The following GBE1 variants were observed in gnomAD, a reference collection of about 807,000 sequenced individuals.
GBE1 encodes 1,4-alpha-glucan branching enzyme 1.
Under a neutral mutation model 88.8 loss-of-function variants are expected in GBE1, and 70 were observed. That is an observed-to-expected ratio of 0.79 (90% confidence interval 0.65 to 0.96). GBE1 has a LOEUF of 0.96. GBE1 is among the 40% of genes least tolerant of loss of function. GBE1 has a pLI of 0.00. For missense variants in GBE1, 872 were observed against 871.0 expected, an observed-to-expected ratio of 1.00 and a Z score of -0.01; for synonymous variants, 284 against 300.1, an observed-to-expected ratio of 0.95 and a Z score of 0.56.
At chr3:81,757,924 G>A (rs1219332312) in intron 1 of GBE1, among the ~76,000 whole-genome samples, 3 of 152,152 alleles carry the variant, frequency 2.0e-5, no homozygotes, top group Admixed American at 6.5e-5. Flanking sequence ...TCCCAGGGAA[G>A]AACCTTGAAA....
chr3:81,709,976 GTATAGA>G (rs2107174506), intron 1 of GBE1, among the ~76,000 whole-genome samples: 1 of 152,194 alleles, frequency 6.6e-6, no homozygotes, highest in East Asian at 1.9e-4. Flanking sequence ...CTAGCATTTT[GTATAGA>G]TATAAAGAAC....
intron 7 of GBE1, among the ~76,000 whole-genome samples, chr3:81,622,431 T>C (rs1704345873): frequency 6.6e-6 from 1 of 152,196 alleles, no homozygotes; most frequent in South Asian, 2.1e-4. Context: ...CCTCTTTATG[T>C]TAGAGTAACT....
chr3:81,664,036 G>C (rs565372295), intron 3 of GBE1, among the ~76,000 whole-genome samples: 3 of 151,898 alleles, frequency 2.0e-5, no homozygotes, highest in African/African-American at 7.3e-5. Flanking sequence ...TATTTTCTCC[G>C]TGCATTTGGT....
rs1370680856 is a variant in GBE1 at position 81,513,386 on chromosome 3, ACT to A, written c.1935-14161_1935-14160del. On this transcript the variant is annotated intron_variant, in intron 14 of 15. Transcript: ENST00000429644. ...TACTGCGAAAGGACTGAAAGGAATC[ACT>A]GTGTCGTGGTGAAATGGGAACTAGG... Among the ~76,000 whole-genome samples the A allele has an allele frequency of 2.6e-5, 4 of 151,502 alleles. No homozygotes were observed. The Admixed American group carries it at 2.6e-4, about 10-fold the overall frequency.
At chr3:81,691,364 T>C (rs1287552178) in intron 2 of GBE1, among the ~76,000 whole-genome samples, 10 of 152,344 alleles carry the variant, frequency 6.6e-5, no homozygotes, top group Non-Finnish European at 1.0e-4. Flanking sequence ...ATGAAAATTA[T>C]AGTAAACGAC....
In GBE1 at chr3:81,710,171, AAAGTCAT is replaced by A. The variant is rs151083199; in HGVS notation, c.144-4565_144-4559del. ...AGATTTCAAGTTAAATCTCAAATTA[AAAGTCAT>A]ATTTCACTTTTAAAGAAAGTTATTT... is the stretch of plus-strand genomic sequence containing the variant. On this transcript the variant is annotated intron_variant, in intron 1 of 15. Coordinates refer to ENST00000429644, the MANE Select transcript of GBE1 (RefSeq NM_000158.4). 4.9e-3 allele frequency among the ~76,000 whole-genome samples: 740 copies of A among 151,730 alleles called. 1 individual carries two copies. The highest frequency in any genetic ancestry group is 0.017 in the African/African-American group (710 of 41,396).
chr3:81,600,684 G>T (rs1319130652), intron 7 of GBE1, among the ~76,000 whole-genome samples: 2 of 151,954 alleles, frequency 1.3e-5, no homozygotes, highest in African/African-American at 2.4e-5. Context: ...AATATTTTAG[G>T]ACAATATTCA....
chr3:81,525,079 CTTG>C (rs1702926147), intron 14 of GBE1, among the ~76,000 whole-genome samples: 1 of 151,738 alleles, frequency 6.6e-6, no homozygotes, highest in Non-Finnish European at 1.5e-5. Flanking sequence ...TAAAATTCTT[CTTG>C]TTATTAATTT....
chr3:81,710,992 C>T (rs997812192), intron 1 of GBE1, among the ~76,000 whole-genome samples: 3 of 152,054 alleles, frequency 2.0e-5, no homozygotes, highest in Non-Finnish European at 4.4e-5. Flanking sequence ...GACGGAGGGG[C>T]GGCAGGGAGT....
At chr3:81,673,476 T>G (rs1052988628) in intron 2 of GBE1, among the ~76,000 whole-genome samples, 2 of 151,838 alleles carry the variant, frequency 1.3e-5, no homozygotes, top group Non-Finnish European at 3.0e-5. Context: ...ACTAAAAAAT[T>G]TATTAAAAGA....
chr3:81,523,298 T>C (rs963277482), intron 14 of GBE1, among the ~76,000 whole-genome samples: 1 of 151,254 alleles, frequency 6.6e-6, no homozygotes, highest in African/African-American at 2.4e-5. Flanking sequence ...TCATGGAAAA[T>C]TCTATACATT....
At chr3:81,594,079 C>T (rs917507233) in intron 7 of GBE1, 56 bp from the exon 8 acceptor site, 1 of 786,862 alleles carries the variant, frequency 1.3e-6, no homozygotes, top group Non-Finnish European at 2.1e-6. Context: ...TTTTCCTTAA[C>T]TGTTATAAAT....
intron 7 of GBE1, among the ~76,000 whole-genome samples, chr3:81,603,747 C>T (rs1018185101): frequency 1.3e-5 from 2 of 152,084 alleles, no homozygotes; most frequent in African/African-American, 2.4e-5. Context: ...CCACCCACCT[C>T]GGCCTCCCAA....
At chr3:81,565,194 T>C (rs1314458100) in intron 12 of GBE1, among the ~76,000 whole-genome samples, 1 of 152,202 alleles carries the variant, frequency 6.6e-6, no homozygotes, top group African/African-American at 2.4e-5. Context: ...CAACTGCTCA[T>C]ATTGAGAATT....
intron 7 of GBE1, among the ~76,000 whole-genome samples, chr3:81,616,982 A>G: frequency 6.6e-6 from 1 of 151,970 alleles, no homozygotes; most frequent in Non-Finnish European, 1.5e-5. Context: ...GAAAGAGAGA[A>G]GGAGGGAGAG....
At chr3:81,562,555 C>G (rs989327774) in intron 12 of GBE1, among the ~76,000 whole-genome samples, 1 of 152,038 alleles carries the variant, frequency 6.6e-6, no homozygotes, top group Non-Finnish European at 1.5e-5. Context: ...GGAATCATAT[C>G]TACCTCTCAG....
At chr3:81,583,496 A>T (rs1374311286) in intron 10 of GBE1, among the ~76,000 whole-genome samples, 1 of 152,102 alleles carries the variant, frequency 6.6e-6, no homozygotes, top group African/African-American at 2.4e-5. Flanking sequence ...GTGAATGGTT[A>T]AACTGTGGTA....
At chr3:81,563,589 T>C (rs922239313) in intron 12 of GBE1, among the ~76,000 whole-genome samples, 1 of 152,076 alleles carries the variant, frequency 6.6e-6, no homozygotes, top group African/African-American at 2.4e-5. Context: ...TAGCAATCTA[T>C]TCCCCTGCAC....
chr3:81,501,095 C>CT (rs1702580515), intron 14 of GBE1, among the ~76,000 whole-genome samples: 1 of 152,130 alleles, frequency 6.6e-6, no homozygotes, highest in Non-Finnish European at 1.5e-5. Flanking sequence ...CATGTACCCC[C>CT]TGAACCTAAA....
Sources: gnomAD v4.1 joint callset for allele counts (sites outside exome capture counted in the v4.1 genomes callset) on GRCh38, gnomAD v4.1.1 for gene constraint, MANE v1.5 for transcripts, NCBI Gene and HGNC (gene_info 2026-07-23, HGNC 2026-07-21) for gene names.